Variants in SPINK9 observed in about 807,000 individuals in gnomAD.
SPINK9 encodes serine protease inhibitor Kazal-type 9.
SPINK9 carries 3 observed loss-of-function variants against 10.8 expected under a neutral mutation model. That is an observed-to-expected ratio of 0.28 (90% CI 0.13 to 0.72). The LOEUF is 0.72. Among genes scored for constraint, SPINK9 ranks in the 30% least tolerant of loss-of-function variants. The probability of loss-of-function intolerance (pLI) is 0.74; values close to 1 mark genes in which losing one functional copy is unlikely to be tolerated. For missense variants in SPINK9, 101 were observed against 103.2 expected (o/e 0.98, Z 0.09); for synonymous variants, 30 against 31.2 (o/e 0.96, Z 0.12).
intron 2 of SPINK9, among the ~76,000 whole-genome samples, chr5:148,324,945 T>C (rs1195791142): frequency 6.6e-6 from 1 of 152,030 alleles, no homozygotes; most frequent in East Asian, 1.9e-4. Context: ...ACCCCCCTAC[T>C]ATCCTCCCAA....
At position 148,335,627 on chromosome 5, in the gene SPINK9, C is replaced by T. The variant is rs201824427; in HGVS notation, c.14C>T (p.Ala5Val). 1.2e-6 allele frequency: 2 copies of T among 1,613,648 alleles called. No homozygotes were observed. The highest frequency in any genetic ancestry group is 1.7e-6 in the Non-Finnish European group (2 of 1,179,818). Residue 5 changes from alanine (A) to valine (V), a missense_variant, in exon 1 of 4, where the codon GCC becomes GTC. By Grantham distance (64) the Ala-to-Val change is moderately conservative (BLOSUM62 0). Transcript: ENST00000377906. Reference sequence around the variant, plus strand: ...CACTTCAGTACTATGAGAGCAACAGCCATAGTCCTACTCTTGGCTCTGACA... The same window carrying T: ...CACTTCAGTACTATGAGAGCAACAGTCATAGTCCTACTCTTGGCTCTGACA... MRAT[A>V]IVLLLALTLA...
intron 2 of SPINK9, among the ~76,000 whole-genome samples, chr5:148,336,802 C>T (rs1247280496): frequency 6.6e-6 from 1 of 152,178 alleles, no homozygotes; most frequent in East Asian, 1.9e-4. Context: ...AAGGGCAAGT[C>T]ATGATTCTTA....
chr5:148,336,187 G>A (rs1757214963), intron 1 of SPINK9, among the ~76,000 whole-genome samples: 1 of 151,964 alleles, frequency 6.6e-6, no homozygotes, highest in Non-Finnish European at 1.5e-5. Context: ...CTCATTCATC[G>A]TGGCATCTTT....
chr5:148,326,273 G>T (rs1401480446), intron 2 of SPINK9, among the ~76,000 whole-genome samples: 1 of 152,128 alleles, frequency 6.6e-6, no homozygotes, highest in Non-Finnish European at 1.5e-5. Flanking sequence ...GTGAGAAAAA[G>T]GAATATGTAC....
intron 1 of SPINK9, chr5:148,323,604 C>T: frequency 2.0e-6 from 1 of 504,172 alleles, no homozygotes; most frequent in Non-Finnish European, 3.5e-6. Flanking sequence ...GTAAATCATT[C>T]CCACATGGGA....
chr5:148,337,784 GGTCA>G (rs1757235893), intron 2 of SPINK9, among the ~76,000 whole-genome samples: 1 of 151,846 alleles, frequency 6.6e-6, no homozygotes, highest in African/African-American at 2.4e-5. Flanking sequence ...ATTTTTACAG[GGTCA>G]CATAGAATTT....
intron 2 of SPINK9, among the ~76,000 whole-genome samples, chr5:148,327,996 T>C (rs71580490): frequency 0.22 from 32,365 of 150,520 alleles, 3,512 homozygotes; most frequent in Non-Finnish European, 0.25. Context: ...CGGGCTCTTT[T>C]TTGGTTCCAT....
chr5:148,329,001 G>C (rs578130405), intron 2 of SPINK9, among the ~76,000 whole-genome samples: 1 of 152,294 alleles, frequency 6.6e-6, no homozygotes, highest in South Asian at 2.1e-4. Flanking sequence ...TTGGTGTCAG[G>C]ATGATGCTGG....
chr5:148,328,176 T>C (rs1185207203), intron 2 of SPINK9, among the ~76,000 whole-genome samples: 2 of 152,230 alleles, frequency 1.3e-5, no homozygotes, highest in African/African-American at 2.4e-5. Flanking sequence ...TCCTCTTTTA[T>C]TTCATTGAGC....
intron 2 of SPINK9, 84 bp from the exon 3 acceptor site, chr5:148,338,394 C>T: frequency 3.1e-6 from 4 of 1,278,284 alleles, no homozygotes. Flanking sequence ...CATTGAGAGC[C>T]CTCTGAGCTT....
upstream of SPINK9, among the ~76,000 whole-genome samples, chr5:148,331,146 G>A (rs1757143997): frequency 6.6e-6 from 1 of 152,180 alleles, no homozygotes. Flanking sequence ...TACCTCAGTT[G>A]GAAATGCAGA....
At chr5:148,324,014 T>C (rs1462351972) in intron 2 of SPINK9, 4 of 450,714 alleles carry the variant, frequency 8.9e-6, no homozygotes, top group East Asian at 6.6e-5. Flanking sequence ...TTATAAACTA[T>C]AATGTCCTAC....
chr5:148,330,921 G>C (rs1428725663), upstream of SPINK9, among the ~76,000 whole-genome samples: 3 of 152,206 alleles, frequency 2.0e-5, no homozygotes, highest in Non-Finnish European at 4.4e-5. Flanking sequence ...TGTGCTGTTT[G>C]CTAAGCCCGA....
upstream of SPINK9, chr5:148,335,520 T>C (rs1757204848): frequency 6.2e-6 from 7 of 1,121,988 alleles, no homozygotes; most frequent in South Asian, 6.8e-5. Context: ...AGGCAGGAAT[T>C]CTTGAAAATA....
intron 2 of SPINK9, among the ~76,000 whole-genome samples, chr5:148,324,684 A>G (rs1237902144): frequency 6.6e-6 from 1 of 151,886 alleles, no homozygotes; most frequent in African/African-American, 2.4e-5. Flanking sequence ...ACTGAAGAAC[A>G]TGATAATGCA....
upstream of SPINK9, chr5:148,335,516 G>C: frequency 9.3e-7 from 1 of 1,073,220 alleles, no homozygotes. Flanking sequence ...ATTGAGGCAG[G>C]AATTCTTGAA....
rs781325921 is a variant in SPINK9 at position 148,339,620 on chromosome 5, GC to G, written c.216-45del. 3.2e-6 allele frequency: 5 copies of G among 1,557,502 alleles called. No homozygotes were observed. The South Asian group carries it at 5.6e-5, about 17-fold the overall frequency. Reference sequence around the variant, plus strand: ...AGTGAAGTTTGGATGCTAATGAAATGCCTATGGGCTCAGCATTTCTCATTTG... The same window carrying G: ...AGTGAAGTTTGGATGCTAATGAAATGCTATGGGCTCAGCATTTCTCATTTG... On this transcript the variant is annotated intron_variant, in intron 3 of 3. Transcript: ENST00000377906.
chr5:148,332,122 G>C (rs777882846), upstream of SPINK9, among the ~76,000 whole-genome samples: 4 of 152,174 alleles, frequency 2.6e-5, no homozygotes, highest in Non-Finnish European at 4.4e-5. Flanking sequence ...AAATTCAAAA[G>C]AAAAAGTTAT....
At chr5:148,324,024 C>T (rs1366174286) in intron 2 of SPINK9, among the ~76,000 whole-genome samples, 1 of 152,130 alleles carries the variant, frequency 6.6e-6, no homozygotes, top group East Asian at 1.9e-4. Context: ...TAATGTCCTA[C>T]AAAAATCTAA....
Sources: allele counts gnomAD v4.1 joint callset (sites outside exome capture counted in the v4.1 genomes callset), GRCh38; gene constraint gnomAD v4.1.1; transcripts MANE v1.5; gene names NCBI Gene and HGNC (gene_info 2026-07-23, HGNC 2026-07-21).